The following ASNS variants were observed in gnomAD, a reference collection of about 807,000 sequenced individuals.
ASNS encodes asparagine synthetase (glutamine-hydrolyzing).
In ASNS, 37 loss-of-function variants were observed where a neutral mutation model predicts 62.6. The observed-to-expected ratio is 0.59, with a 90% CI of 0.45 to 0.78. The LOEUF (loss-of-function observed/expected upper bound fraction) is 0.78. ASNS is among the 30% of genes least tolerant of loss of function. The probability of loss-of-function intolerance (pLI) is 0.00; values close to 1 mark genes in which losing one functional copy is unlikely to be tolerated. For missense variants in ASNS, 520 were observed against 682.4 expected, an observed-to-expected ratio of 0.76 and a Z score of 2.65; for synonymous variants, 207 against 237.9, an observed-to-expected ratio of 0.87 and a Z score of 1.19.
chr7:97,856,625 T>G (rs1215919959), intron 8 of ASNS, 65 bp downstream of exon 8: 1 of 1,381,082 alleles, frequency 7.2e-7, no homozygotes, highest in African/African-American at 1.5e-5. Context: ...AATAATTTTT[T>G]TAAACCTTAC....
chr7:97,880,126 T>G, the ASNS span, among the ~76,000 whole-genome samples: 1 of 102,260 alleles, frequency 9.8e-6, no homozygotes, highest in Non-Finnish European at 1.8e-5. Context: ...GGAAGGATCA[T>G]CTCTGTCTTT....
chr7:97,866,943 G>C (rs548648571), intron 3 of ASNS, among the ~76,000 whole-genome samples: 1 of 152,176 alleles, frequency 6.6e-6, no homozygotes, highest in Non-Finnish European at 1.5e-5. Flanking sequence ...TAAAGCATTC[G>C]GTGATATTAG....
chr7:97,887,396 T>A, the ASNS span, among the ~76,000 whole-genome samples: 1 of 152,234 alleles, frequency 6.6e-6, no homozygotes, highest in Non-Finnish European at 1.5e-5. Context: ...CATTAATGGA[T>A]GCATGTCCTC....
the ASNS span, among the ~76,000 whole-genome samples, chr7:97,889,925 T>TAA: frequency 5.5e-4 from 4 of 7,276 alleles, no homozygotes; most frequent in Admixed American, 1.5e-3. Context: ...AGATAATGAA[T>TAA]ACAAAAAAAA....
intron 4 of ASNS, among the ~76,000 whole-genome samples, chr7:97,862,390 C>T (rs550662165): frequency 1.2e-4 from 18 of 152,098 alleles, no homozygotes; most frequent in South Asian, 4.2e-4. Flanking sequence ...AACTATTATA[C>T]GACATTCTGG....
At chr7:97,858,574 G>A (rs1467447226) in intron 6 of ASNS, among the ~76,000 whole-genome samples, 169 bp from the exon 7 acceptor site, 2 of 152,174 alleles carry the variant, frequency 1.3e-5, no homozygotes, top group African/African-American at 4.8e-5. Flanking sequence ...TATAAACTGT[G>A]ATAATAGTAG....
chr7:97,919,509 G>A, the ASNS span, among the ~76,000 whole-genome samples: 1 of 152,152 alleles, frequency 6.6e-6, no homozygotes, highest in African/African-American at 2.4e-5. Context: ...GACAACATAG[G>A]ACAGAGTCAA....
At chr7:97,883,642 T>C in the ASNS span, among the ~76,000 whole-genome samples, 1 of 152,116 alleles carries the variant, frequency 6.6e-6, no homozygotes, top group South Asian at 2.1e-4. Context: ...AGAAGGTGCA[T>C]CCAAACCGAT....
the ASNS span, among the ~76,000 whole-genome samples, chr7:97,901,027 A>G: frequency 2.0e-5 from 3 of 152,246 alleles, no homozygotes; most frequent in African/African-American, 7.2e-5. Flanking sequence ...CAGAATTAAC[A>G]CAAATTGCAC....
chr7:97,852,772 T>C (rs2115587002), intron 12 of ASNS, among the ~76,000 whole-genome samples: 1 of 152,316 alleles, frequency 6.6e-6, no homozygotes, highest in Non-Finnish European at 1.5e-5. Context: ...TGATGATTAG[T>C]AGTAAGTCTC....
the ASNS span, among the ~76,000 whole-genome samples, chr7:97,879,396 G>A: frequency 5.3e-5 from 8 of 152,158 alleles, no homozygotes; most frequent in East Asian, 1.9e-4. Flanking sequence ...CTATCTACTC[G>A]TCTGACAAAG....
At chr7:97,926,661 C>CA in the ASNS span, among the ~76,000 whole-genome samples, 4 of 152,130 alleles carry the variant, frequency 2.6e-5, no homozygotes, top group African/African-American at 4.8e-5. Flanking sequence ...AAGGGGCCGC[C>CA]AGACTGAGCA....
At chr7:97,869,277 A>C in intron 2 of ASNS, 98 bp from the exon 3 acceptor site, 1 of 1,362,848 alleles carries the variant, frequency 7.3e-7, no homozygotes, top group Non-Finnish European at 9.9e-7. Context: ...CACTTCAAAG[A>C]CTAAAATTTA....
chr7:97,891,145 G>A, the ASNS span, among the ~76,000 whole-genome samples: 1 of 152,318 alleles, frequency 6.6e-6, no homozygotes, highest in South Asian at 2.1e-4. Flanking sequence ...GAATCACGTT[G>A]GAAGGCAAGA....
the ASNS span, among the ~76,000 whole-genome samples, chr7:97,896,343 C>G: frequency 2.6e-5 from 4 of 151,054 alleles, no homozygotes; most frequent in Non-Finnish European, 3.0e-5. Context: ...TATCCCAGCA[C>G]TTTGGGAGGC....
At chr7:97,854,809 TG>T in intron 9 of ASNS, 129 bp from the exon 10 acceptor site, 1 of 1,517,710 alleles carries the variant, frequency 6.6e-7, no homozygotes, top group Non-Finnish European at 8.9e-7. Flanking sequence ...AGTAAATAAC[TG>T]AACAGAGGTA....
At position 97,858,840 on chromosome 7, in the gene ASNS, TTAA is replaced by T; in HGVS notation, c.775+11_775+13del. 6.3e-7 allele frequency: 1 copy of T among 1,598,226 alleles called. No individual in the cohort carries two copies. Among genetic ancestry groups the T allele is most frequent in the South Asian group, 1.1e-5 (1 of 87,664 alleles). ...ACACATGAAATATAATTAGGTTTTT[TTAA>T]TTGACTTCACCTGATAAAAGGCAGC... On this transcript the variant is annotated intron_variant, in intron 6 of 12. Transcript: ENST00000394308.
At chr7:97,919,727 G>A in the ASNS span, among the ~76,000 whole-genome samples, 2 of 152,142 alleles carry the variant, frequency 1.3e-5, no homozygotes, top group South Asian at 4.1e-4. Context: ...AGGAGGAAAG[G>A]GGGACAAGAA....
the ASNS span, among the ~76,000 whole-genome samples, chr7:97,901,410 CT>C: frequency 6.6e-6 from 1 of 151,990 alleles, no homozygotes; most frequent in Non-Finnish European, 1.5e-5. Context: ...CCAGGCTGTG[CT>C]CAAACTCCTG....
Sources: gnomAD v4.1 joint callset for allele counts (sites outside exome capture counted in the v4.1 genomes callset) on GRCh38, gnomAD v4.1.1 for gene constraint, MANE v1.5 for transcripts, NCBI Gene and HGNC (gene_info 2026-07-23, HGNC 2026-07-21) for gene names.